Variants in SCG5 observed in about 807,000 individuals in gnomAD.
SCG5 encodes the protein neuroendocrine protein 7B2.
In SCG5, 18 loss-of-function variants were observed where a neutral mutation model predicts 25.7. That is an observed-to-expected ratio of 0.70 (90% CI 0.48 to 1.04). SCG5 has a LOEUF of 1.04. SCG5 is among the 50% of genes least tolerant of loss of function. SCG5 has a pLI of 0.00. For synonymous variants in SCG5, 101 were observed against 91.7 expected (o/e 1.10, Z -0.58); for missense variants, 206 against 259.8 (o/e 0.79, Z 1.42).
intron 4 of SCG5, among the ~76,000 whole-genome samples, chr15:32,685,003 A>G (rs752735991): frequency 6.6e-6 from 1 of 152,166 alleles, no homozygotes; most frequent in Non-Finnish European, 1.5e-5. Context: ...TTATCAAAGG[A>G]TATGATTTTT....
At chr15:32,691,922 T>C (rs1395181521) in intron 5 of SCG5, 159 bp downstream of exon 5, 3 of 1,471,194 alleles carry the variant, frequency 2.0e-6, no homozygotes, top group African/African-American at 2.9e-5. Flanking sequence ...ACCCAGAAAG[T>C]CTGTCCTTGG....
intron 2 of SCG5, among the ~76,000 whole-genome samples, chr15:32,652,497 GA>G (rs2054049256): frequency 6.6e-6 from 1 of 152,178 alleles, no homozygotes; most frequent in African/African-American, 2.4e-5. Context: ...AGGGAGAGTT[GA>G]AGATGTGGGA....
intron 1 of SCG5, 35 bp from the exon 2 acceptor site, chr15:32,643,551 A>G (rs201023892): frequency 3.3e-4 from 495 of 1,489,658 alleles, no homozygotes; most frequent in Non-Finnish European, 4.0e-4. Context: ...TGCCGATTGT[A>G]GCCTATCAGT....
At chr15:32,672,216 C>T (rs1012445166) in intron 2 of SCG5, among the ~76,000 whole-genome samples, 3 of 152,256 alleles carry the variant, frequency 2.0e-5, no homozygotes, top group Non-Finnish European at 4.4e-5. Flanking sequence ...CTGCCAGACG[C>T]TCCTCACAGA....
At chr15:32,663,054 TATATATATATATATATATATATATA>T (rs56228213) in intron 2 of SCG5, among the ~76,000 whole-genome samples, 26,864 of 103,130 alleles carry the variant, frequency 0.26, 3,372 homozygotes, top group Middle Eastern at 0.32. Context: ...TATATATATA[TATATATATATATATATATATATATA>T]ATATATAATA....
intron 2 of SCG5, among the ~76,000 whole-genome samples, chr15:32,655,194 G>A (rs2140512916): frequency 6.6e-6 from 1 of 152,240 alleles, no homozygotes; most frequent in African/African-American, 2.4e-5. Flanking sequence ...TGTAGTCCCA[G>A]CTACTCAGGA....
At chr15:32,689,290 C>T (rs920895030) in intron 4 of SCG5, among the ~76,000 whole-genome samples, 10 of 152,132 alleles carry the variant, frequency 6.6e-5, no homozygotes, top group African/African-American at 2.2e-4. Flanking sequence ...TTCAAACTGT[C>T]CTAAATTTGG....
At position 32,695,757 on chromosome 15, in the gene SCG5, G is replaced by A. The variant is rs111974469; in HGVS notation, c.544-757G>A. 4.4e-3 allele frequency among the ~76,000 whole-genome samples: 663 copies of A among 152,068 alleles called. 7 individuals carry two copies. Among genetic ancestry groups the A allele is most frequent in the South Asian group, 0.017 (84 of 4,808 alleles). On this transcript the variant is annotated intron_variant, in intron 5 of 5. Coordinates refer to ENST00000300175, the MANE Select transcript of SCG5 (RefSeq NM_001144757.3). ...TGGCCCTACTCTTCTCCTTTAGAAC[G>A]TTTTTCTTGCAAAATATAATTTAAT... is the stretch of plus-strand genomic sequence containing the variant.
intron 4 of SCG5, among the ~76,000 whole-genome samples, chr15:32,686,056 A>G (rs1194594111): frequency 1.3e-5 from 2 of 152,204 alleles, no homozygotes; most frequent in African/African-American, 4.8e-5. Context: ...TCTGTCTTCA[A>G]CATACACACA....
intron 5 of SCG5, among the ~76,000 whole-genome samples, chr15:32,695,760 T>C (rs2054947108): frequency 6.6e-6 from 1 of 152,164 alleles, no homozygotes; most frequent in African/African-American, 2.4e-5. Context: ...TTAGAACGTT[T>C]TTCTTGCAAA....
Position 32,643,788 on chromosome 15 carries a change from A to G in SCG5, c.196A>G (p.Met66Val), listed in dbSNP as rs148575688. Reference sequence around the variant, plus strand: ...AGTGGAATATCCAGCTCACCAGGCCATGAATCTTGTGGGCCCCCAGAGCAT... The same window carrying G: ...AGTGGAATATCCAGCTCACCAGGCCGTGAATCTTGTGGGCCCCCAGAGCAT... Reference protein sequence around the residue: ...PRVEYPAHQAMNLVGPQSIEG... With the variant: ...PRVEYPAHQAVNLVGPQSIEG... The change falls in exon 2 of 6, where the codon ATG becomes GTG. Residue 66 changes from methionine (M) to valine (V), a missense_variant. By Grantham distance (21) the Met-to-Val change is conservative. Coordinates refer to ENST00000300175, the MANE Select transcript of SCG5 (RefSeq NM_001144757.3). 2 of 1,613,862 alleles carry G rather than the reference A, an allele frequency of 1.2e-6. No individual in the cohort carries two copies. The highest frequency in any genetic ancestry group is 1.1e-5 in the South Asian group (1 of 91,080).
At chr15:32,683,213 G>A (rs1056015298) in intron 3 of SCG5, among the ~76,000 whole-genome samples, 5 of 152,190 alleles carry the variant, frequency 3.3e-5, no homozygotes, top group African/African-American at 1.2e-4. Context: ...AAGCTTAAGA[G>A]CAGTGTCAAG....
chr15:32,678,001 A>C (rs1366587950), intron 2 of SCG5, among the ~76,000 whole-genome samples: 2 of 152,246 alleles, frequency 1.3e-5, no homozygotes, highest in Non-Finnish European at 2.9e-5. Context: ...ACAAGTAGGA[A>C]AGGACAGAAT....
chr15:32,694,298 G>A (rs1363627467), intron 5 of SCG5, among the ~76,000 whole-genome samples: 1 of 152,280 alleles, frequency 6.6e-6, no homozygotes, highest in East Asian at 1.9e-4. Flanking sequence ...TCTCCCATGA[G>A]AGATAGATTC....
rs964040271 is a variant in SCG5 at position 32,669,824 on chromosome 15, T to C, written c.227-9942T>C. 4.0e-5 allele frequency among the ~76,000 whole-genome samples: 6 copies of C among 151,600 alleles called. 1 individual carries two copies. The highest frequency in any genetic ancestry group is 3.3e-4 in the Admixed American group (5 of 15,222). ...TTAGTTAAATTCATAGGATAAAATT[T>C]GAACTTTTGCAAATGAGTAAACAGC... On this transcript the variant is annotated intron_variant, in intron 2 of 5. Coordinates refer to ENST00000300175, the MANE Select transcript of SCG5 (RefSeq NM_001144757.3).
intron 5 of SCG5, among the ~76,000 whole-genome samples, chr15:32,693,941 C>T (rs2054910156): frequency 6.6e-6 from 1 of 152,158 alleles, no homozygotes; most frequent in Non-Finnish European, 1.5e-5. Flanking sequence ...GAAACCCCAT[C>T]TCTACTAAAA....
At chr15:32,672,930 AAAAG>A (rs1181104533) in intron 2 of SCG5, 1 of 136,068 alleles carries the variant, frequency 7.3e-6, no homozygotes, top group African/African-American at 3.0e-5. Context: ...AAAAAAAAAA[AAAAG>A]AGACAGAGTG....
chr15:32,654,859 C>T (rs1203976403), intron 2 of SCG5, among the ~76,000 whole-genome samples: 2 of 152,164 alleles, frequency 1.3e-5, no homozygotes, highest in Non-Finnish European at 2.9e-5. Context: ...CTCTGAGACA[C>T]CAGCAAGTGG....
intron 4 of SCG5, among the ~76,000 whole-genome samples, chr15:32,690,507 T>C (rs2054831118): frequency 6.6e-6 from 1 of 152,222 alleles, no homozygotes; most frequent in Non-Finnish European, 1.5e-5. Flanking sequence ...GATATTAAAT[T>C]GATTTATTCC....
Sources: gnomAD v4.1 joint callset for allele counts (sites outside exome capture counted in the v4.1 genomes callset) on GRCh38, gnomAD v4.1.1 for gene constraint, MANE v1.5 for transcripts, NCBI Gene and HGNC (gene_info 2026-07-23, HGNC 2026-07-21) for gene names.